The following MECOM variants were observed in gnomAD, a reference collection of about 807,000 sequenced individuals.
The protein encoded by MECOM is MDS1 and EVI1 complex locus, also known as histone-lysine N-methyltransferase MECOM.
Under a neutral mutation model 116.3 loss-of-function variants are expected in MECOM, and 13 were observed. The observed-to-expected ratio is 0.11, with a 90% CI of 0.07 to 0.18. MECOM has a LOEUF of 0.18. Among genes scored for constraint, MECOM ranks in the 10% least tolerant of loss-of-function variants. The probability of loss-of-function intolerance (pLI) is 1.00; values close to 1 mark genes in which losing one functional copy is unlikely to be tolerated. For synonymous variants in MECOM, 528 were observed against 535.2 expected (o/e 0.99, Z 0.19); for missense variants, 1,299 against 1,509.0 (o/e 0.86, Z 2.31).
At chr3:169,375,940 G>A (rs746968773) in intron 2 of MECOM, among the ~76,000 whole-genome samples, 28 of 151,976 alleles carry the variant, frequency 1.8e-4, no homozygotes, top group East Asian at 9.6e-4. Context: ...ATAAAATACC[G>A]GCAAATTGAA....
At chr3:169,245,254 A>G (rs1401499592) in intron 2 of MECOM, among the ~76,000 whole-genome samples, 1 of 152,208 alleles carries the variant, frequency 6.6e-6, no homozygotes, top group African/African-American at 2.4e-5. Flanking sequence ...GAAATATGCG[A>G]AAAACAACAG....
chr3:169,501,506 G>A (rs940634853), intron 1 of MECOM, among the ~76,000 whole-genome samples: 6 of 151,904 alleles, frequency 3.9e-5, no homozygotes, highest in African/African-American at 1.2e-4. Context: ...TGGAGGCCAC[G>A]TTTTTAACCC....
At chr3:169,262,296 C>T (rs886589337) in intron 2 of MECOM, among the ~76,000 whole-genome samples, 2 of 152,170 alleles carry the variant, frequency 1.3e-5, no homozygotes, top group Admixed American at 6.5e-5. Context: ...TAAGGCTTTG[C>T]GCCTAAAATG....
chr3:169,639,999 A>G (rs546425488), intron 1 of MECOM, among the ~76,000 whole-genome samples: 1 of 152,306 alleles, frequency 6.6e-6, no homozygotes, highest in East Asian at 1.9e-4. Context: ...ATAAGCCTCT[A>G]TCTGGAACAG....
intron 16 of MECOM, 116 bp from the exon 17 acceptor site, chr3:169,085,159 TG>T: frequency 1.6e-6 from 2 of 1,267,538 alleles, no homozygotes; most frequent in Non-Finnish European, 2.2e-6. Context: ...GCATCCTTCA[TG>T]GGTGTGTTTG....
intron 1 of MECOM, among the ~76,000 whole-genome samples, chr3:169,401,856 A>G (rs763011220): frequency 1.2e-4 from 19 of 152,354 alleles, no homozygotes; most frequent in Non-Finnish European, 2.4e-4. Context: ...ATGCAGAGAA[A>G]GAGGCAGTGA....
Position 169,115,819 on chromosome 3 carries a change from T to G in MECOM, c.2053A>C (p.Lys685Gln). 6.2e-7 allele frequency: 1 copy of G among 1,614,110 alleles called. No individual in the cohort carries two copies. The highest frequency in any genetic ancestry group is 2.2e-5 in the East Asian group (1 of 44,886). ...STGLVGLQDK[K>Q]VGALPYPSMF... The stretch of plus-strand genomic sequence containing the variant: ...GAAGGGTAAGGTAAAGCTCCAACTT[T>G]TTTGTCTTGCAGCCCCACCAGTCCT... The change falls in exon 8 of 17, where the codon AAA (lysine) becomes CAA (glutamine). Residue 685 changes from lysine to glutamine, a missense_variant. Transcript: ENST00000651503.
intron 2 of MECOM, among the ~76,000 whole-genome samples, chr3:169,252,200 C>A (rs1472167893): frequency 6.6e-6 from 1 of 152,172 alleles, no homozygotes; most frequent in East Asian, 1.9e-4. Flanking sequence ...CATGCAGCAA[C>A]TTTAATGTAA....
chr3:169,229,372 G>C lies in MECOM; in HGVS notation c.376-85540C>G, dbSNP rs1453951262. On this transcript the variant is annotated intron_variant, in intron 2 of 16. Coordinates refer to ENST00000651503, the MANE Select transcript of MECOM (RefSeq NM_004991.4). ...TCAACTAAAATTTCTGAACCCAAAG[G>C]CTTATGAGACTGAGAAATTATATTC... Among the ~76,000 whole-genome samples the C allele has an allele frequency of 1.1e-4, 16 of 152,144 alleles. No individual in the cohort carries two copies. The East Asian group carries it at 2.9e-3, about 27-fold the overall frequency.
At chr3:169,163,193 A>C (rs1261457643) in intron 2 of MECOM, among the ~76,000 whole-genome samples, 1 of 152,204 alleles carries the variant, frequency 6.6e-6, no homozygotes, top group Non-Finnish European at 1.5e-5. Flanking sequence ...TATGTAGGCA[A>C]AAGATATCCA....
chr3:169,379,173 C>A (rs1290785), intron 2 of MECOM, among the ~76,000 whole-genome samples: 119,338 of 150,262 alleles, frequency 0.79, 47,787 homozygotes, highest in African/African-American at 0.9. Context: ...AAAAAAAAAA[C>A]CCTAAGAAGA....
intron 2 of MECOM, among the ~76,000 whole-genome samples, chr3:169,212,389 C>T (rs915394742): frequency 6.6e-6 from 1 of 151,112 alleles, no homozygotes; most frequent in African/African-American, 2.4e-5. Context: ...CTCTACCATA[C>T]TCCAATGCCT....
At chr3:169,552,639 G>A (rs1242714069) in intron 1 of MECOM, among the ~76,000 whole-genome samples, 1 of 152,058 alleles carries the variant, frequency 6.6e-6, no homozygotes, top group Non-Finnish European at 1.5e-5. Context: ...CTGGTCCAAA[G>A]CTGACACTCT....
intron 2 of MECOM, among the ~76,000 whole-genome samples, chr3:169,321,759 C>A (rs1017007520): frequency 6.6e-6 from 1 of 151,940 alleles, no homozygotes; most frequent in Non-Finnish European, 1.5e-5. Flanking sequence ...ACATGAACAG[C>A]AGTACAGATA....
chr3:169,276,232 G>A (rs1268288610), intron 2 of MECOM, among the ~76,000 whole-genome samples: 1 of 152,098 alleles, frequency 6.6e-6, no homozygotes, highest in Non-Finnish European at 1.5e-5. Context: ...TAACACACAA[G>A]TAATACGAGA....
intron 2 of MECOM, among the ~76,000 whole-genome samples, chr3:169,183,715 G>C (rs1006027306): frequency 7.4e-5 from 11 of 148,438 alleles, no homozygotes; most frequent in Non-Finnish European, 1.5e-4. Flanking sequence ...AAGCAATCTG[G>C]AGGTAGAAGC....
chr3:169,524,469 C>A (rs1757741902), intron 1 of MECOM, among the ~76,000 whole-genome samples: 1 of 152,176 alleles, frequency 6.6e-6, no homozygotes, highest in Admixed American at 6.5e-5. Context: ...CAAGCATGGA[C>A]ACTCTTTTCT....
intron 2 of MECOM, among the ~76,000 whole-genome samples, chr3:169,173,914 T>C (rs188859307): frequency 1.3e-5 from 2 of 152,366 alleles, no homozygotes; most frequent in East Asian, 3.9e-4. Flanking sequence ...ACTTTCTATG[T>C]AATACTTTGG....
intron 1 of MECOM, among the ~76,000 whole-genome samples, chr3:169,413,697 T>C (rs1335117806): frequency 6.6e-6 from 1 of 151,866 alleles, no homozygotes; most frequent in Non-Finnish European, 1.5e-5. Context: ...TCCAGCTTGG[T>C]TGGGGGAGGG....
Sources: allele counts gnomAD v4.1 joint callset (sites outside exome capture counted in the v4.1 genomes callset), GRCh38; gene constraint gnomAD v4.1.1; transcripts MANE v1.5; gene names NCBI Gene and HGNC (gene_info 2026-07-23, HGNC 2026-07-21).